CLSTN2: variants seen among roughly 807,000 people sequenced by gnomAD.
CLSTN2 encodes calsyntenin 2, also known as calsyntenin-2.
A neutral mutation model predicts 101.2 loss-of-function variants in CLSTN2; 48 were observed. The observed-to-expected ratio is 0.47, with a 90% CI of 0.38 to 0.60. The LOEUF is 0.60. CLSTN2 is among the 20% of genes least tolerant of loss of function. The pLI is 0.00. For missense variants in CLSTN2, 1,160 were observed against 1,238.2 expected, an observed-to-expected ratio of 0.94 and a Z score of 0.95; for synonymous variants, 481 against 463.6, an observed-to-expected ratio of 1.04 and a Z score of -0.48.
intron 8 of CLSTN2, among the ~76,000 whole-genome samples, chr3:140,528,803 G>A (rs1935196941): frequency 6.6e-6 from 1 of 152,158 alleles, no homozygotes; most frequent in Admixed American, 6.5e-5. Flanking sequence ...GGACCTCACA[G>A]TGCCTTGCAC....
At chr3:139,950,375 C>T (rs551029439) in intron 1 of CLSTN2, among the ~76,000 whole-genome samples, 11 of 152,270 alleles carry the variant, frequency 7.2e-5, no homozygotes, top group African/African-American at 2.4e-4. Context: ...TGATTCTCTT[C>T]TTGAAATTCC....
chr3:140,410,212 A>G (rs1033785773), intron 4 of CLSTN2, among the ~76,000 whole-genome samples: 13 of 152,046 alleles, frequency 8.6e-5, no homozygotes, highest in Non-Finnish European at 1.6e-4. Flanking sequence ...CTCTAATTAC[A>G]TTCAACCCCA....
At chr3:140,354,830 C>G (rs17345403) in intron 2 of CLSTN2, among the ~76,000 whole-genome samples, 61,964 of 152,148 alleles carry the variant, frequency 0.41, 13,368 homozygotes, top group Non-Finnish European at 0.49. Context: ...CCCTCACTGT[C>G]TTCGAAGTTG....
At chr3:140,234,047 G>A (rs78191764) in intron 2 of CLSTN2, among the ~76,000 whole-genome samples, 3,953 of 152,270 alleles carry the variant, frequency 0.026, 73 homozygotes, top group Middle Eastern at 0.054. Context: ...CAAAAAATAG[G>A]TTGCTGATAC....
At chr3:140,298,030 G>T (rs1391434934) in intron 2 of CLSTN2, among the ~76,000 whole-genome samples, 1 of 152,238 alleles carries the variant, frequency 6.6e-6, no homozygotes. Flanking sequence ...TGGTAAGTTA[G>T]GGATCATAAT....
chr3:140,466,912 C>G (rs1933720437), intron 8 of CLSTN2, among the ~76,000 whole-genome samples, 181 bp downstream of exon 8: 1 of 152,156 alleles, frequency 6.6e-6, no homozygotes, highest in Admixed American at 6.5e-5. Flanking sequence ...CTCCTTATAG[C>G]CAGGTGAAGG....
At chr3:140,139,572 G>A (rs570449219) in intron 1 of CLSTN2, among the ~76,000 whole-genome samples, 18 of 152,286 alleles carry the variant, frequency 1.2e-4, no homozygotes, top group East Asian at 3.9e-4. Flanking sequence ...CAACCTAGGC[G>A]TCTGGATTTT....
rs56262745 is a variant in CLSTN2, at chr3:140,576,211, C to T, written c.*9958C>T. On this transcript the variant is annotated 3_prime_UTR_variant, in exon 17 of 17. Coordinates refer to ENST00000458420, the MANE Select transcript of CLSTN2 (RefSeq NM_022131.3). ...AGCCGCAGACACAAGGTCTGGCTCC[C>T]TTGTCGTGAGAGTGAAGGCATGCTG... The T allele has an allele frequency of 2.6e-5, 4 of 152,176 alleles. No individual in the cohort carries two copies. The highest frequency in any genetic ancestry group is 4.4e-5 in the Non-Finnish European group (3 of 68,050). The allele number at this position is 152,176 out of a possible 1,614,324, so 9.4% of individuals were successfully genotyped here.
At chr3:140,412,690 A>C (rs1165428865) in intron 4 of CLSTN2, among the ~76,000 whole-genome samples, 1 of 152,198 alleles carries the variant, frequency 6.6e-6, no homozygotes, top group African/African-American at 2.4e-5. Context: ...AATCATATAA[A>C]ATTTTTTTCT....
intron 2 of CLSTN2, among the ~76,000 whole-genome samples, chr3:140,198,177 AT>A (rs1421022038): frequency 6.6e-6 from 1 of 152,148 alleles, no homozygotes; most frequent in Non-Finnish European, 1.5e-5. Flanking sequence ...TTGCTCTTAA[AT>A]TTTATCTTCT....
chr3:140,393,128 G>A (rs376290718), intron 2 of CLSTN2, among the ~76,000 whole-genome samples: 16 of 152,088 alleles, frequency 1.1e-4, no homozygotes, highest in Non-Finnish European at 2.2e-4. Flanking sequence ...TGCCACATTG[G>A]GGATTAAATT....
At chr3:140,417,544 G>A (rs1487268756) in intron 4 of CLSTN2, among the ~76,000 whole-genome samples, 2 of 151,790 alleles carry the variant, frequency 1.3e-5, no homozygotes, top group African/African-American at 2.4e-5. Context: ...CCCACTCTCC[G>A]AGTTTAAAAA....
In CLSTN2 at chr3:140,388,377, G is replaced by A. The variant is rs147726477; in HGVS notation, c.233-15252G>A. On this transcript the variant is annotated intron_variant, in intron 2 of 16. Coordinates refer to ENST00000458420, the MANE Select transcript of CLSTN2 (RefSeq NM_022131.3). ...ACATAAATCACACAGCAACTCTCTA[G>A]CATCTCCTATAAACTGTGTGTTATT... 3.9e-5 allele frequency among the ~76,000 whole-genome samples: 6 copies of A among 152,324 alleles called. No homozygotes were observed. In the East Asian group the frequency reaches 1.2e-3, roughly 29 times the overall value.
At chr3:140,283,596 T>A (rs1428837027) in intron 2 of CLSTN2, among the ~76,000 whole-genome samples, 1 of 152,204 alleles carries the variant, frequency 6.6e-6, no homozygotes, top group East Asian at 1.9e-4. Flanking sequence ...GGACTCCTCC[T>A]CTTGCCTCTA....
Position 140,566,099 on chromosome 3 carries a change from A to AGGAGGAAGAAGCCGAG in CLSTN2, c.2716_2731dup (p.Glu911GlyfsTer15). Reference sequence around the variant, plus strand: ...GGGGAAGATGAGACTGAGGGAGAAGAGGAGGAAGAAGCCGAGGAAGAAATG... The same window carrying AGGAGGAAGAAGCCGAG: ...GGGGAAGATGAGACTGAGGGAGAAGAGGAGGAAGAAGCCGAGGGAGGAAGAAGCCGAGGAAGAAATG... On this transcript the variant is annotated frameshift_variant, in exon 17 of 17. Coordinates refer to ENST00000458420, the MANE Select transcript of CLSTN2 (RefSeq NM_022131.3). LOFTEE classifies it high-confidence loss of function. 1 of 1,612,574 alleles carries AGGAGGAAGAAGCCGAG rather than the reference A, an allele frequency of 6.2e-7. No individual in the cohort carries two copies. Among genetic ancestry groups the AGGAGGAAGAAGCCGAG allele is most frequent in the Non-Finnish European group, 8.5e-7 (1 of 1,178,598 alleles).
chr3:139,966,182 T>C (rs949294753), intron 1 of CLSTN2, among the ~76,000 whole-genome samples: 1 of 152,116 alleles, frequency 6.6e-6, no homozygotes, highest in Non-Finnish European at 1.5e-5. Flanking sequence ...TGCAGAAACT[T>C]CCTACCCAGT....
rs377112381 is a variant in CLSTN2 at position 140,073,346 on chromosome 3, G to T, written c.110-102605G>T. 6.6e-5 allele frequency among the ~76,000 whole-genome samples: 10 copies of T among 152,290 alleles called. No homozygotes were observed. The East Asian group carries it at 1.9e-3, about 29-fold the overall frequency. ...CCCCCCAGGATGTATTTTCTGGTTA[G>T]GTTGTGTGGATACCCATTGAAAATA... On this transcript the variant is annotated intron_variant, in intron 1 of 16. Transcript: ENST00000458420.
At chr3:139,939,292 T>C (rs1935083991) in intron 1 of CLSTN2, among the ~76,000 whole-genome samples, 1 of 152,180 alleles carries the variant, frequency 6.6e-6, no homozygotes, top group Non-Finnish European at 1.5e-5. Context: ...TTACAACACA[T>C]GCAGAGCCAG....
At chr3:140,281,839 GCTTGACTA>G (rs2086850345) in intron 2 of CLSTN2, among the ~76,000 whole-genome samples, 1 of 152,108 alleles carries the variant, frequency 6.6e-6, no homozygotes, top group South Asian at 2.1e-4. Flanking sequence ...TGTCTGGCTG[GCTTGACTA>G]CCTGCCCTCC....
Sources: allele counts gnomAD v4.1 joint callset (sites outside exome capture counted in the v4.1 genomes callset), GRCh38; gene constraint gnomAD v4.1.1; transcripts MANE v1.5; gene names NCBI Gene and HGNC (gene_info 2026-07-23, HGNC 2026-07-21).